Variants in SLCO1C1 observed in about 807,000 individuals in gnomAD.
SLCO1C1 encodes the protein solute carrier organic anion transporter family member 1C1, also known as OAT-RP-5.
SLCO1C1 carries 70 observed loss-of-function variants against 76.4 expected under a neutral mutation model. The ratio of observed to expected loss-of-function variants is 0.92; its 90% CI spans 0.76 to 1.12. The LOEUF is 1.12. Ranked by LOEUF, SLCO1C1 falls within the 50% of genes most tolerant of loss-of-function variation. The pLI is 0.00. For missense variants in SLCO1C1, 912 were observed against 823.8 expected, an observed-to-expected ratio of 1.11 and a Z score of -1.31; for synonymous variants, 306 against 286.1, an observed-to-expected ratio of 1.07 and a Z score of -0.70.
In SLCO1C1 at chr12:20,729,467, G is replaced by A. The variant is rs374920827; in HGVS notation, c.1187-3442G>A. The stretch of plus-strand genomic sequence containing the variant: ...TCTTCCTTTGAGGGTTTGGTTGGAG[G>A]GTGCGATACATAAACTGAAAAAGCT... On this transcript the variant is annotated intron_variant, in intron 9 of 14. Coordinates refer to ENST00000266509, the MANE Select transcript of SLCO1C1 (RefSeq NM_017435.5). 7.2e-5 allele frequency among the ~76,000 whole-genome samples: 11 copies of A among 152,030 alleles called. No individual in the cohort carries two copies. The East Asian group carries it at 1.2e-3, about 16-fold the overall frequency.
rs114604075 is a variant in SLCO1C1, at chr12:20,712,462, G to A, written c.529+952G>A. On this transcript the variant is annotated intron_variant, in intron 5 of 14. Transcript: ENST00000266509. ...ATGAATTTGTCCATAGGTGTTTACT[G>A]TGTCTCTAGGACGCAGTACAGGCAG... is the stretch of plus-strand genomic sequence containing the variant. Among the ~76,000 whole-genome samples the A allele has an allele frequency of 2.2e-3, 341 of 152,212 alleles. 3 individuals carry two copies. Among genetic ancestry groups the A allele is most frequent in the African/African-American group, 7.7e-3 (321 of 41,540 alleles).
At chr12:20,731,520 T>C (rs1948261900) in intron 9 of SLCO1C1, among the ~76,000 whole-genome samples, 1 of 152,246 alleles carries the variant, frequency 6.6e-6, no homozygotes, top group South Asian at 2.1e-4. Context: ...TATTTTTTAC[T>C]ACAGCAAATG....
At chr12:20,715,335 A>T (rs751057012) in intron 6 of SLCO1C1, 50 bp downstream of exon 6, 1 of 1,598,832 alleles carries the variant, frequency 6.3e-7, no homozygotes, top group Non-Finnish European at 8.5e-7. Context: ...CAGGGTGTCT[A>T]GTTTTCTGAA....
At chr12:20,741,473 A>G (rs1948813213) in intron 12 of SLCO1C1, among the ~76,000 whole-genome samples, 1 of 152,182 alleles carries the variant, frequency 6.6e-6, no homozygotes, top group South Asian at 2.1e-4. Flanking sequence ...GTCACTTTCT[A>G]ATGTAATTAA....
chr12:20,731,657 A>G (rs141266383), intron 9 of SLCO1C1, among the ~76,000 whole-genome samples: 2 of 152,344 alleles, frequency 1.3e-5, no homozygotes, highest in Non-Finnish European at 2.9e-5. Context: ...TGATAGGTAG[A>G]CAATATGAGA....
chr12:20,737,239 T>C lies in SLCO1C1; in HGVS notation c.1515T>C (p.Gly505=), dbSNP rs772587301. The C allele has an allele frequency of 1.9e-6, 3 of 1,568,364 alleles. No homozygotes were observed. Among genetic ancestry groups the C allele is most frequent in the African/African-American group, 1.4e-5 (1 of 71,532 alleles). ...CATATGTATCAGCTTGTCTTGCTGG[T>C]TGTCAAACCTCCAACAGGAGTGGAA... is the stretch of plus-strand genomic sequence containing the variant. ...GITYVSACLA[G]CQTSNRSGKN... The change falls in exon 11 of 15, where the codon GGT becomes GGC. Residue 505 remains glycine, a synonymous_variant. Transcript: ENST00000266509.
chr12:20,718,194 C>G (rs186551325), intron 7 of SLCO1C1, among the ~76,000 whole-genome samples: 80 of 152,214 alleles, frequency 5.3e-4, no homozygotes, highest in Admixed American at 2.1e-3. Flanking sequence ...ATGAGCAGTA[C>G]AGAGGAAAAT....
intron 5 of SLCO1C1, among the ~76,000 whole-genome samples, chr12:20,712,456 T>C (rs1947156438): frequency 6.6e-6 from 1 of 152,096 alleles, no homozygotes; most frequent in Admixed American, 6.5e-5. Context: ...TCCATAGGTG[T>C]TTACTGTGTC....
chr12:20,701,542 T>C, intron 3 of SLCO1C1, 83 bp downstream of exon 3: 1 of 1,105,764 alleles, frequency 9.0e-7, no homozygotes, highest in Non-Finnish European at 1.2e-6. Flanking sequence ...CATTCTATTG[T>C]CTGCTGGGAT....
chr12:20,723,328 A>C lies in SLCO1C1; in HGVS notation c.1186+74A>C, dbSNP rs1947777269. 3 of 1,515,450 alleles carry C rather than the reference A, an allele frequency of 2.0e-6. No individual in the cohort carries two copies. The African/African-American group carries it at 4.2e-5, about 21-fold the overall frequency. 93.9% of individuals were successfully genotyped at this position (1,515,450 alleles called of 1,614,324 possible). On this transcript the variant is annotated intron_variant, in intron 9 of 14. Coordinates refer to ENST00000266509, the MANE Select transcript of SLCO1C1 (RefSeq NM_017435.5). ...TACCTGATTAACTCGGGAATCTTCG[A>C]GAAGATTCTTCCAAGATTTAGGTAA...
Position 20,733,069 on chromosome 12 carries a change from T to A in SLCO1C1, c.1347T>A (p.Asn449Lys). Reference protein sequence around the residue: ...FLSLFALGCENSDVAGLTVSY... With the variant: ...FLSLFALGCEKSDVAGLTVSY... Reference sequence around the variant, plus strand: ...CCCTGTTTGCACTGGGCTGTGAAAATTCTGATGTGGCAGGACTAACTGTCT... The same window carrying A: ...CCCTGTTTGCACTGGGCTGTGAAAAATCTGATGTGGCAGGACTAACTGTCT... The change falls in exon 10 of 15, where the codon AAT (asparagine) becomes AAA (lysine). Residue 449 changes from asparagine (N) to lysine (K), a missense_variant. Transcript: ENST00000266509. 6.2e-7 allele frequency: 1 copy of A among 1,605,706 alleles called. No homozygotes were observed. The highest frequency in any genetic ancestry group is 8.5e-7 in the Non-Finnish European group (1 of 1,176,680).
chr12:20,710,200 C>CTTTTTTTTTT (rs914645913), intron 4 of SLCO1C1, among the ~76,000 whole-genome samples: 15 of 75,474 alleles, frequency 2.0e-4, no homozygotes, highest in East Asian at 9.9e-4. Flanking sequence ...CTCTACTTTT[C>CTTTTTTTTTT]TTTTTTTTTT....
intron 7 of SLCO1C1, among the ~76,000 whole-genome samples, chr12:20,720,287 G>T (rs1947595371): frequency 6.6e-6 from 1 of 152,150 alleles, no homozygotes; most frequent in Non-Finnish European, 1.5e-5. Context: ...TGTACAAAGA[G>T]ATAAATGTTT....
intron 7 of SLCO1C1, among the ~76,000 whole-genome samples, chr12:20,718,815 A>C (rs1026505518): frequency 6.6e-6 from 1 of 152,156 alleles, no homozygotes; most frequent in African/African-American, 2.4e-5. Flanking sequence ...AAAATCATGA[A>C]GCCTATTCCG....
Position 20,740,361 on chromosome 12 carries a change from C to G in SLCO1C1, c.1726C>G (p.Leu576Val). Reference protein sequence around the residue: ...SLGGIPGYILLLRCIKPQLKS... With the variant: ...SLGGIPGYILVLRCIKPQLKS... ...AGGTGGCATACCTGGATACATATTA[C>G]TTCTGAGGTGAGTACTGATTCTCCC... Residue 576 changes from leucine to valine, a missense_variant, in exon 12 of 15, where the codon CTT becomes GTT. Physicochemically the swap from Leu to Val is conservative, Grantham distance 32. Transcript: ENST00000266509. 6.2e-7 allele frequency: 1 copy of G among 1,611,828 alleles called. No individual in the cohort carries two copies. Among genetic ancestry groups the G allele is most frequent in the Non-Finnish European group, 8.5e-7 (1 of 1,178,790 alleles).
intron 12 of SLCO1C1, among the ~76,000 whole-genome samples, chr12:20,741,560 A>C (rs925899271): frequency 6.6e-6 from 1 of 152,152 alleles, no homozygotes; most frequent in African/African-American, 2.4e-5. Flanking sequence ...TAACAGTGAC[A>C]AGCATTACAT....
rs1048509173 is a variant in SLCO1C1 at position 20,699,542 on chromosome 12, A to G, written c.-25-10A>G. 1.3e-6 allele frequency: 2 copies of G among 1,560,920 alleles called. No individual in the cohort carries two copies. Among genetic ancestry groups the G allele is most frequent in the African/African-American group, 2.8e-5 (2 of 71,444 alleles). On this transcript the variant is annotated splice_polypyrimidine_tract_variant and intron_variant, in intron 1 of 14. Transcript: ENST00000266509. ...TTATTTATTTTTACTTTAAAAACTA[A>G]CTTTGACAGATCAGAGTCAAGGAAT... is the stretch of plus-strand genomic sequence containing the variant.
At chr12:20,703,947 G>A (rs906729631) in intron 3 of SLCO1C1, among the ~76,000 whole-genome samples, 5 of 124,538 alleles carry the variant, frequency 4.0e-5, no homozygotes, top group African/African-American at 1.2e-4. Flanking sequence ...CTGTTATCTC[G>A]AGTGTGTCTG....
Position 20,721,809 on chromosome 12 carries a change from A to T in SLCO1C1, c.781A>T (p.Ile261Leu). 1 of 1,614,144 alleles carries T rather than the reference A, an allele frequency of 6.2e-7. No homozygotes were observed. Among genetic ancestry groups the T allele is most frequent in the South Asian group, 1.1e-5 (1 of 91,084 alleles). Residue 261 changes from isoleucine to leucine, a missense_variant, in exon 8 of 15, where the codon ATA becomes TTA. By Grantham distance (5) the Ile-to-Leu change is conservative. Transcript: ENST00000266509. ...VDIGFVNLDH[I>L]TITPKDPQWV... ...CCATCCCCTCTGTCTTTCAGATCAC[A>T]TAACCATTACCCCAAAAGATCCCCA...
Sources: gnomAD v4.1 joint callset for allele counts (sites outside exome capture counted in the v4.1 genomes callset) on GRCh38, gnomAD v4.1.1 for gene constraint, MANE v1.5 for transcripts, NCBI Gene and HGNC (gene_info 2026-07-23, HGNC 2026-07-21) for gene names.